SLC25A48: variants seen among roughly 807,000 people sequenced by gnomAD.
The protein encoded by SLC25A48 is solute carrier family 25 member 48.
In SLC25A48, 29 loss-of-function variants were observed where a neutral mutation model predicts 32.2. The ratio of observed to expected loss-of-function variants is 0.90; its 90% CI spans 0.67 to 1.23. The LOEUF (loss-of-function observed/expected upper bound fraction) is 1.23. SLC25A48 is among the 50% of genes most tolerant of loss of function. The probability of loss-of-function intolerance (pLI) is 0.00; values close to 1 mark genes in which losing one functional copy is unlikely to be tolerated. For synonymous variants in SLC25A48, 164 were observed against 172.3 expected, an observed-to-expected ratio of 0.95 and a Z score of 0.38; for missense variants, 399 against 422.7, an observed-to-expected ratio of 0.94 and a Z score of 0.49.
At chr5:135,685,773 T>C (rs1472302696) in intron 3 of SLC25A48, among the ~76,000 whole-genome samples, 1 of 152,254 alleles carries the variant, frequency 6.6e-6, no homozygotes, top group Non-Finnish European at 1.5e-5. Context: ...CTGATTCCTA[T>C]ACATGACCTG....
intron 1 of SLC25A48, among the ~76,000 whole-genome samples, chr5:135,623,817 C>T (rs190766688): frequency 7.2e-5 from 11 of 152,272 alleles, no homozygotes; most frequent in Non-Finnish European, 1.3e-4. Flanking sequence ...AGGTGCTGTA[C>T]AAAATATGCC....
chr5:135,874,089 T>C lies in SLC25A48; in HGVS notation c.748T>C (p.Tyr250His). 2.0e-6 allele frequency: 3 copies of C among 1,524,998 alleles called. No homozygotes were observed. Among genetic ancestry groups the C allele is most frequent in the Non-Finnish European group, 2.6e-6 (3 of 1,143,500 alleles). 94.5% of individuals were successfully genotyped at this position (1,524,998 alleles called of 1,614,324 possible). ...VKSRLQADGV[Y>H]LNKYKGVLDC... ...AAGTCGACTCCAAGCTGATGGGGTT[T>C]ATTTAAACAAATATAAAGGTGTCCT... Residue 250 changes from tyrosine to histidine, a missense_variant, in exon 6 of 8, where the codon TAT (tyrosine) becomes CAT (histidine). Tyr to His is a moderately conservative substitution (Grantham distance 83). Transcript: ENST00000681962.
At chr5:135,709,456 G>A (rs1233230425) in intron 3 of SLC25A48, among the ~76,000 whole-genome samples, 1 of 152,238 alleles carries the variant, frequency 6.6e-6, no homozygotes, top group African/African-American at 2.4e-5. Context: ...CAGCCAGAGA[G>A]CCTGATACAA....
intron 1 of SLC25A48, among the ~76,000 whole-genome samples, chr5:135,603,055 C>T (rs749661467): frequency 4.6e-5 from 7 of 152,162 alleles, no homozygotes; most frequent in Non-Finnish European, 7.3e-5. Flanking sequence ...GGAACCTGTG[C>T]GCACGTCGGT....
intron 4 of SLC25A48, among the ~76,000 whole-genome samples, chr5:135,815,001 C>T (rs1350119947): frequency 2.6e-5 from 4 of 152,164 alleles, no homozygotes; most frequent in African/African-American, 9.7e-5. Flanking sequence ...TTTGTTACCT[C>T]CCAGTTTGAT....
At chr5:135,614,068 C>G (rs1333895754) in intron 1 of SLC25A48, among the ~76,000 whole-genome samples, 2 of 152,044 alleles carry the variant, frequency 1.3e-5, no homozygotes, top group East Asian at 3.9e-4. Flanking sequence ...TCTTCTAATT[C>G]ATGAGCCTGG....
chr5:135,710,098 A>T (rs918940802), intron 3 of SLC25A48, among the ~76,000 whole-genome samples: 1 of 152,240 alleles, frequency 6.6e-6, no homozygotes, highest in Non-Finnish European at 1.5e-5. Flanking sequence ...GCACACCAAC[A>T]GGAAGTCCCC....
At chr5:135,735,999 G>A (rs1035230464) in intron 3 of SLC25A48, among the ~76,000 whole-genome samples, 7 of 152,272 alleles carry the variant, frequency 4.6e-5, no homozygotes, top group South Asian at 2.1e-4. Flanking sequence ...GGAGGTGATC[G>A]AAGGATTATA....
intron 3 of SLC25A48, among the ~76,000 whole-genome samples, chr5:135,751,944 T>G (rs1338785998): frequency 1.3e-5 from 2 of 152,192 alleles, no homozygotes; most frequent in Non-Finnish European, 2.9e-5. Context: ...CCAATGGTAT[T>G]GGAACAATTG....
In SLC25A48 at chr5:135,664,121, A is replaced by G. The variant is rs79708523; in HGVS notation, c.-521+29165A>G. ...CCACTGAATAAAATTTAGGTTCTTC[A>G]GTTCTCTGCAGAACCATGGACATGT... On this transcript the variant is annotated intron_variant, in intron 3 of 10. Coordinates refer to the SLC25A48 transcript ENST00000646290. Among the ~76,000 whole-genome samples, 1,162 of 152,344 alleles carry G rather than the reference A, an allele frequency of 7.6e-3. 7 individuals are homozygous for G. Among genetic ancestry groups the G allele is most frequent in the Admixed American group, 0.016 (251 of 15,302 alleles).
intron 1 of SLC25A48, among the ~76,000 whole-genome samples, chr5:135,628,351 G>A (rs750558635): frequency 1.3e-5 from 2 of 152,222 alleles, no homozygotes; most frequent in Non-Finnish European, 2.9e-5. Flanking sequence ...ATCCCTCGGA[G>A]GTTTTAGGCA....
chr5:135,851,496 C>A lies in SLC25A48; in HGVS notation c.162+1000C>A, dbSNP rs75902490. Among the ~76,000 whole-genome samples, 59 of 152,324 alleles carry A rather than the reference C, an allele frequency of 3.9e-4. 1 individual carries two copies. In the East Asian group the frequency reaches 9.7e-3, roughly 25 times the overall value. ...GGGCGGTTTCTCTGAGACATAGCAG[C>A]CCATGGCTAAGCCACATCCCAAGTT... On this transcript the variant is annotated intron_variant, in intron 3 of 7. Coordinates refer to ENST00000681962, the MANE Select transcript of SLC25A48 (RefSeq NM_001349336.2).
intron 3 of SLC25A48, among the ~76,000 whole-genome samples, chr5:135,757,944 ATATT>A (rs1430268955): frequency 6.6e-6 from 1 of 150,494 alleles, no homozygotes; most frequent in Non-Finnish European, 1.5e-5. Flanking sequence ...TATCTACATG[ATATT>A]TATACTGTCT....
intron 3 of SLC25A48, among the ~76,000 whole-genome samples, chr5:135,698,449 C>T (rs573173461): frequency 2.0e-5 from 3 of 152,300 alleles, no homozygotes; most frequent in South Asian, 2.1e-4. Context: ...ATACTATCTT[C>T]AGCCTGAAGC....
intron 3 of SLC25A48, among the ~76,000 whole-genome samples, chr5:135,637,962 A>G (rs1161796431): frequency 6.6e-6 from 1 of 152,198 alleles, no homozygotes; most frequent in African/African-American, 2.4e-5. Context: ...TATTTCACCA[A>G]TTTTAAGATA....
At chr5:135,736,298 G>A (rs115995178) in intron 3 of SLC25A48, among the ~76,000 whole-genome samples, 2,742 of 152,262 alleles carry the variant, frequency 0.018, 26 homozygotes, top group Non-Finnish European at 0.03. Context: ...AGGTCTTGTA[G>A]GATGGTGAAA....
At chr5:135,667,655 CT>C (rs1753555903) in intron 3 of SLC25A48, among the ~76,000 whole-genome samples, 1 of 152,172 alleles carries the variant, frequency 6.6e-6, no homozygotes, top group African/African-American at 2.4e-5. Flanking sequence ...CAGTGAATAC[CT>C]TGTCTTACTG....
At chr5:135,695,617 A>G (rs926137379) in intron 3 of SLC25A48, among the ~76,000 whole-genome samples, 1 of 152,008 alleles carries the variant, frequency 6.6e-6, no homozygotes, top group African/African-American at 2.4e-5. Context: ...TCCCACCCAC[A>G]GGGGTCTCTC....
chr5:135,735,638 G>C (rs759079328), intron 3 of SLC25A48, among the ~76,000 whole-genome samples: 1 of 152,136 alleles, frequency 6.6e-6, no homozygotes, highest in Admixed American at 6.6e-5. Context: ...GGATCCTCTC[G>C]GGGAACTGCG....
Sources: allele counts gnomAD v4.1 joint callset (sites outside exome capture counted in the v4.1 genomes callset), GRCh38; gene constraint gnomAD v4.1.1; transcripts MANE v1.5; gene names NCBI Gene and HGNC (gene_info 2026-07-23, HGNC 2026-07-21).